The following MAGI1 variants were observed in gnomAD, a reference collection of about 807,000 sequenced individuals.
The protein encoded by MAGI1 is membrane-associated guanylate kinase, WW and PDZ domain-containing protein 1.
In MAGI1, 58 loss-of-function variants were observed where a neutral mutation model predicts 139.9. The observed-to-expected ratio is 0.41, with a 90% CI of 0.34 to 0.52. The LOEUF (loss-of-function observed/expected upper bound fraction) is 0.52. Among genes scored for constraint, MAGI1 ranks in the 20% least tolerant of loss-of-function variants. The pLI, the probability that MAGI1 is intolerant of heterozygous loss-of-function variation, is 0.12. For missense variants in MAGI1, 1,874 were observed against 1,901.6 expected (o/e 0.99, Z 0.27); for synonymous variants, 812 against 737.9 (o/e 1.10, Z -1.63).
intron 13 of MAGI1, among the ~76,000 whole-genome samples, chr3:65,397,386 A>T (rs1944474172): frequency 6.6e-6 from 1 of 152,118 alleles, no homozygotes; most frequent in Non-Finnish European, 1.5e-5. Flanking sequence ...AGTGGAACAA[A>T]AACCTATCAC....
At chr3:65,912,135 GC>G (rs1436548188) in intron 1 of MAGI1, among the ~76,000 whole-genome samples, 1 of 151,052 alleles carries the variant, frequency 6.6e-6, no homozygotes, top group African/African-American at 2.4e-5. Flanking sequence ...ATGAAACTCT[GC>G]CCACTGACAT....
intron 14 of MAGI1, among the ~76,000 whole-genome samples, chr3:65,384,183 C>A (rs1328349824): frequency 6.6e-6 from 1 of 152,184 alleles, no homozygotes; most frequent in Non-Finnish European, 1.5e-5. Flanking sequence ...TGCTAATAGG[C>A]TTTGTTAGAT....
At chr3:65,546,008 A>ACG (rs1488018330) in intron 2 of MAGI1, among the ~76,000 whole-genome samples, 77 of 146,656 alleles carry the variant, frequency 5.3e-4, no homozygotes, top group African/African-American at 1.8e-3. Context: ...ACACACACAC[A>ACG]CACACACTCT....
intron 1 of MAGI1, among the ~76,000 whole-genome samples, chr3:65,828,380 C>T (rs2042344796): frequency 6.6e-6 from 1 of 152,188 alleles, no homozygotes; most frequent in South Asian, 2.1e-4. Context: ...CAAACTCAAA[C>T]ACTTTTTTAT....
chr3:65,750,105 T>C (rs1219616370), intron 1 of MAGI1, among the ~76,000 whole-genome samples: 6 of 152,248 alleles, frequency 3.9e-5, no homozygotes, highest in Admixed American at 2.0e-4. Flanking sequence ...GGACACATTC[T>C]GCAAATTAAA....
chr3:65,561,975 T>G (rs1333395530), intron 2 of MAGI1, among the ~76,000 whole-genome samples: 1 of 152,230 alleles, frequency 6.6e-6, no homozygotes, highest in Non-Finnish European at 1.5e-5. Flanking sequence ...AGAGAGACCA[T>G]ATTCACTACA....
intron 1 of MAGI1, among the ~76,000 whole-genome samples, chr3:65,644,075 A>G (rs1225342265): frequency 6.6e-6 from 1 of 152,132 alleles, no homozygotes; most frequent in African/African-American, 2.4e-5. Context: ...ACTGAATGTC[A>G]AAGGAAGAAG....
intron 1 of MAGI1, among the ~76,000 whole-genome samples, chr3:65,708,706 G>C (rs987356804): frequency 1.6e-5 from 2 of 124,064 alleles, no homozygotes; most frequent in African/African-American, 6.4e-5. Context: ...AAAGAAGAGA[G>C]AAAGAAAACG....
In MAGI1 at chr3:65,363,618, G is replaced by T. The variant is rs202208512; in HGVS notation, c.3352-10C>A. The T allele has an allele frequency of 1.4e-3, 2,303 of 1,610,310 alleles. 3 individuals are homozygous for T. The highest frequency in any genetic ancestry group is 1.9e-3 in the Non-Finnish European group (2,202 of 1,178,342). ...TGTAAAAATCTTGCTCCTATTTAAA[G>T]AAATTAAATGCAATCATTCTAGGAG... On this transcript the variant is annotated splice_polypyrimidine_tract_variant and intron_variant, in intron 20 of 22. Transcript: ENST00000402939.
At chr3:65,365,868 A>C (rs941174882) in intron 18 of MAGI1, among the ~76,000 whole-genome samples, 1 of 152,186 alleles carries the variant, frequency 6.6e-6, no homozygotes, top group African/African-American at 2.4e-5. Context: ...AACTATTCCA[A>C]ACTGAGATAC....
At chr3:65,646,279 C>A (rs2085255078) in intron 1 of MAGI1, among the ~76,000 whole-genome samples, 1 of 151,660 alleles carries the variant, frequency 6.6e-6, no homozygotes, top group Non-Finnish European at 1.5e-5. Context: ...GGCTTTACAG[C>A]AAAGAAACTT....
intron 1 of MAGI1, among the ~76,000 whole-genome samples, chr3:65,720,301 G>A (rs943762043): frequency 1.1e-4 from 16 of 152,112 alleles, no homozygotes; most frequent in African/African-American, 2.7e-4. Flanking sequence ...GCTGGTCACC[G>A]AGTCCTCTGC....
At position 65,379,559 on chromosome 3, in the gene MAGI1, A is replaced by G. The variant is rs772342936; in HGVS notation, c.2702-5T>C. 6.2e-7 allele frequency: 1 copy of G among 1,603,274 alleles called. No homozygotes were observed. Among genetic ancestry groups the G allele is most frequent in the Admixed American group, 1.7e-5 (1 of 59,778 alleles). On this transcript the variant is annotated splice_polypyrimidine_tract_variant and splice_region_variant and intron_variant, in intron 16 of 22. Transcript: ENST00000402939. ...CCTCGTTCTCGGTTTTGGGCACTGTAGCAGAGAGATGCACGCGTACATCAC... is the reference window on the plus strand; with the variant it reads ...CCTCGTTCTCGGTTTTGGGCACTGTGGCAGAGAGATGCACGCGTACATCAC...
At chr3:65,956,828 T>C (rs898802600) in intron 1 of MAGI1, among the ~76,000 whole-genome samples, 3 of 151,480 alleles carry the variant, frequency 2.0e-5, no homozygotes, top group African/African-American at 7.3e-5. Flanking sequence ...TGAGACCCCA[T>C]CTCTATATAA....
At chr3:65,775,335 G>T (rs1306560551) in intron 1 of MAGI1, among the ~76,000 whole-genome samples, 4 of 151,468 alleles carry the variant, frequency 2.6e-5, no homozygotes, top group African/African-American at 9.7e-5. Flanking sequence ...TGTAGTATCA[G>T]CTACTTGGGA....
chr3:65,801,515 A>G (rs972882715), intron 1 of MAGI1, among the ~76,000 whole-genome samples: 1 of 152,182 alleles, frequency 6.6e-6, no homozygotes, highest in Non-Finnish European at 1.5e-5. Context: ...TTATAGGCCA[A>G]CTTGGCTGGA....
intron 10 of MAGI1, among the ~76,000 whole-genome samples, chr3:65,433,413 C>G (rs1179366334): frequency 6.6e-6 from 1 of 152,234 alleles, no homozygotes; most frequent in East Asian, 1.9e-4. Context: ...CGACTGACTT[C>G]CTTTTCCAAT....
At chr3:65,629,855 G>A (rs2084189470) in intron 1 of MAGI1, among the ~76,000 whole-genome samples, 1 of 150,858 alleles carries the variant, frequency 6.6e-6, no homozygotes, top group African/African-American at 2.5e-5. Flanking sequence ...AGAAATGGAT[G>A]GCGGTGACGG....
chr3:65,393,952 T>C (rs1944157889), intron 13 of MAGI1, among the ~76,000 whole-genome samples: 2 of 152,156 alleles, frequency 1.3e-5, no homozygotes, highest in Admixed American at 1.3e-4. Context: ...TGGAGAGAAA[T>C]ATCCTTCTGG....
Sources: gnomAD v4.1 joint callset for allele counts (sites outside exome capture counted in the v4.1 genomes callset) on GRCh38, gnomAD v4.1.1 for gene constraint, MANE v1.5 for transcripts, NCBI Gene and HGNC (gene_info 2026-07-23, HGNC 2026-07-21) for gene names.